ZNF704: variants seen among roughly 807,000 people sequenced by gnomAD.
The protein encoded by ZNF704 is zinc finger protein 704, also known as glucocorticoid induced gene 1.
ZNF704 carries 10 observed loss-of-function variants against 44.7 expected under a neutral mutation model. That is an observed-to-expected ratio of 0.22 (90% CI 0.14 to 0.38). The LOEUF (loss-of-function observed/expected upper bound fraction) is 0.38. ZNF704 is among the 10% of genes least tolerant of loss of function. The probability of loss-of-function intolerance (pLI) is 1.00; values close to 1 mark genes in which losing one functional copy is unlikely to be tolerated. For synonymous variants in ZNF704, 211 were observed against 207.6 expected, an observed-to-expected ratio of 1.02 and a Z score of -0.14; for missense variants, 390 against 545.5, an observed-to-expected ratio of 0.71 and a Z score of 2.84.
intron 2 of ZNF704, among the ~76,000 whole-genome samples, chr8:80,773,158 A>T (rs926634408): frequency 6.6e-5 from 10 of 152,186 alleles, no homozygotes; most frequent in African/African-American, 2.4e-5. Flanking sequence ...GTTTGTATTA[A>T]GGCCCATGGT....
At chr8:80,668,621 C>T (rs1272150061) in intron 5 of ZNF704, among the ~76,000 whole-genome samples, 2 of 152,254 alleles carry the variant, frequency 1.3e-5, no homozygotes, top group East Asian at 1.9e-4. Context: ...GCGTGTCCCA[C>T]GTGGGGTTAA....
At chr8:80,736,639 T>G (rs1269089607) in intron 2 of ZNF704, among the ~76,000 whole-genome samples, 2 of 152,124 alleles carry the variant, frequency 1.3e-5, no homozygotes, top group Admixed American at 1.3e-4. Flanking sequence ...AATTGGTGCC[T>G]GGCTATGGGG....
At chr8:80,678,371 G>A (rs948689932) in intron 4 of ZNF704, among the ~76,000 whole-genome samples, 2 of 152,020 alleles carry the variant, frequency 1.3e-5, no homozygotes, top group African/African-American at 4.8e-5. Context: ...CATTCCTTTT[G>A]AATATCTCAT....
At chr8:80,734,242 T>C (rs201663890) in intron 2 of ZNF704, among the ~76,000 whole-genome samples, 1 of 152,356 alleles carries the variant, frequency 6.6e-6, no homozygotes, top group East Asian at 1.9e-4. Context: ...ACTCCAGTTC[T>C]GTGGAAAACC....
chr8:80,749,181 T>G (rs897933108), intron 2 of ZNF704, among the ~76,000 whole-genome samples: 1 of 152,152 alleles, frequency 6.6e-6, no homozygotes, highest in African/African-American at 2.4e-5. Flanking sequence ...CTTTATTTAC[T>G]CTTTTATTCG....
At chr8:80,783,738 A>G (rs1463368515) in intron 2 of ZNF704, among the ~76,000 whole-genome samples, 1 of 152,098 alleles carries the variant, frequency 6.6e-6, no homozygotes, top group Non-Finnish European at 1.5e-5. Flanking sequence ...CTACACTGAG[A>G]CATTATCACC....
intron 2 of ZNF704, among the ~76,000 whole-genome samples, chr8:80,701,305 A>G (rs1051250151): frequency 3.3e-5 from 5 of 151,918 alleles, no homozygotes; most frequent in Admixed American, 2.0e-4. Flanking sequence ...GCCCGCTTCT[A>G]GCCAGGATTC....
At position 80,637,830 on chromosome 8, in the gene ZNF704, A is replaced by C. The variant is rs1291453259; in HGVS notation, c.*3536T>G. ...ACTGGCTTTTGCCAACCAAGGGAGAAAACTTTTCAGCTAGTGTGGTGGAGA... is the reference window on the plus strand; with the variant it reads ...ACTGGCTTTTGCCAACCAAGGGAGACAACTTTTCAGCTAGTGTGGTGGAGA... On this transcript the variant is annotated 3_prime_UTR_variant, in exon 9 of 9. Transcript: ENST00000327835. 6.6e-6 allele frequency: 1 copy of C among 152,250 alleles called. No individual in the cohort carries two copies. Among genetic ancestry groups the C allele is most frequent in the East Asian group, 1.9e-4 (1 of 5,200 alleles). The allele number at this position is 152,250 out of a possible 1,614,324, so 9.4% of individuals were successfully genotyped here.
At chr8:80,758,691 A>G (rs1807078495) in intron 2 of ZNF704, among the ~76,000 whole-genome samples, 1 of 152,142 alleles carries the variant, frequency 6.6e-6, no homozygotes, top group Admixed American at 6.5e-5. Flanking sequence ...AAAACCACAT[A>G]AGGTAGGCAT....
At chr8:80,845,567 G>C (rs953233967) in intron 1 of ZNF704, among the ~76,000 whole-genome samples, 1 of 152,148 alleles carries the variant, frequency 6.6e-6, no homozygotes, top group South Asian at 2.1e-4. Flanking sequence ...CAGCAATGAC[G>C]AAGAAATTAT....
rs1415892769 is a variant in ZNF704, at chr8:80,628,879, C to T, written c.*12487G>A. 2.0e-5 allele frequency: 3 copies of T among 152,180 alleles called. No individual in the cohort carries two copies. The highest frequency in any genetic ancestry group is 4.4e-5 in the Non-Finnish European group (3 of 68,032). 9.4% of individuals were successfully genotyped at this position (152,180 alleles called of 1,614,324 possible). A position where few individuals can be genotyped will look rare whatever the true frequency, so the allele number is the denominator to read the frequency against. On this transcript the variant is annotated 3_prime_UTR_variant, in exon 9 of 9. Coordinates refer to ENST00000327835, the MANE Select transcript of ZNF704 (RefSeq NM_001033723.3). ...ACAGAAACTGTAAACATTTGGTGGT[C>T]TCTTGATGCCCATTTCAAGTAGATG...
intron 2 of ZNF704, among the ~76,000 whole-genome samples, chr8:80,783,659 C>A (rs1807566615): frequency 6.6e-6 from 1 of 151,810 alleles, no homozygotes; most frequent in Non-Finnish European, 1.5e-5. Context: ...TTCCCATGTT[C>A]CCCCTTCCCT....
intron 1 of ZNF704, among the ~76,000 whole-genome samples, chr8:80,850,974 A>G (rs1469013900): frequency 6.6e-6 from 1 of 152,204 alleles, no homozygotes; most frequent in African/African-American, 2.4e-5. Flanking sequence ...CTTCTGAGAA[A>G]TAAATAATTA....
intron 2 of ZNF704, among the ~76,000 whole-genome samples, chr8:80,791,285 G>T (rs1407077760): frequency 6.6e-6 from 1 of 152,208 alleles, no homozygotes. Flanking sequence ...TGTGAGAGAA[G>T]AATGCATGCA....
chr8:80,858,826 A>G (rs530191728), intron 1 of ZNF704, among the ~76,000 whole-genome samples: 6 of 152,166 alleles, frequency 3.9e-5, no homozygotes, highest in Non-Finnish European at 8.8e-5. Flanking sequence ...TATCCTCTAC[A>G]TGATATGATT....
At chr8:80,766,784 C>A (rs1369873496) in intron 2 of ZNF704, among the ~76,000 whole-genome samples, 1 of 152,124 alleles carries the variant, frequency 6.6e-6, no homozygotes, top group East Asian at 1.9e-4. Flanking sequence ...ACAATCTCGG[C>A]TCATTGCAAC....
chr8:80,876,588 G>C (rs923630972), upstream of ZNF704, among the ~76,000 whole-genome samples: 2 of 152,168 alleles, frequency 1.3e-5, no homozygotes, highest in African/African-American at 2.4e-5. Flanking sequence ...ACCTAGGTCC[G>C]AATCCTGACT....
intron 2 of ZNF704, among the ~76,000 whole-genome samples, chr8:80,715,846 G>A (rs1346188746): frequency 6.6e-6 from 1 of 152,094 alleles, no homozygotes; most frequent in Non-Finnish European, 1.5e-5. Context: ...TTGGAAGGCC[G>A]AGGCAGGTGG....
At chr8:80,855,881 C>T (rs566310616) in intron 1 of ZNF704, among the ~76,000 whole-genome samples, 6 of 152,250 alleles carry the variant, frequency 3.9e-5, no homozygotes, top group African/African-American at 1.4e-4. Flanking sequence ...TCTGAAAATA[C>T]CAGTTTTGTG....
Sources: gnomAD v4.1 joint callset for allele counts (sites outside exome capture counted in the v4.1 genomes callset) on GRCh38, gnomAD v4.1.1 for gene constraint, MANE v1.5 for transcripts, NCBI Gene and HGNC (gene_info 2026-07-23, HGNC 2026-07-21) for gene names.